PBX1: variants seen among roughly 807,000 people sequenced by gnomAD.
PBX1 encodes the protein pre-B-cell leukemia transcription factor 1.
A neutral mutation model predicts 53.4 loss-of-function variants in PBX1; 6 were observed. That is an observed-to-expected ratio of 0.11 (90% CI 0.06 to 0.22). The LOEUF is 0.22. Among genes scored for constraint, PBX1 ranks in the 10% least tolerant of loss-of-function variants. The probability of loss-of-function intolerance (pLI) is 1.00; values close to 1 mark genes in which losing one functional copy is unlikely to be tolerated. For synonymous variants in PBX1, 204 were observed against 212.3 expected, an observed-to-expected ratio of 0.96 and a Z score of 0.34; for missense variants, 251 against 551.4, an observed-to-expected ratio of 0.46 and a Z score of 5.46.
At chr1:164,877,081 G>C (rs1249385718) in intron 2 of PBX1, among the ~76,000 whole-genome samples, 1 of 151,662 alleles carries the variant, frequency 6.6e-6, no homozygotes. Context: ...ACAACCCTGT[G>C]AAGTAAGTTT....
At chr1:164,626,974 C>A (rs924138314) in intron 2 of PBX1, among the ~76,000 whole-genome samples, 1 of 152,160 alleles carries the variant, frequency 6.6e-6, no homozygotes, top group Admixed American at 6.5e-5. Context: ...TTCAATTTTA[C>A]AATGCTTTCA....
intron 2 of PBX1, among the ~76,000 whole-genome samples, chr1:164,623,172 A>G (rs941973938): frequency 2.0e-5 from 3 of 152,104 alleles, no homozygotes; most frequent in Non-Finnish European, 2.9e-5. Flanking sequence ...TAGCATGTCT[A>G]TAATCTCTGG....
intron 4 of PBX1, among the ~76,000 whole-genome samples, chr1:164,801,450 GA>G (rs1190359009): frequency 0.053 from 5,741 of 109,148 alleles, 316 homozygotes; most frequent in African/African-American, 0.16. Context: ...GGCAGATATT[GA>G]AAAAAAAAAA....
chr1:164,815,935 GC>G (rs1232481681), intron 6 of PBX1: 3 of 152,164 alleles, frequency 2.0e-5, no homozygotes, highest in Non-Finnish European at 4.4e-5. Context: ...AAAACTCAGA[GC>G]CTTCATGCCC....
At chr1:164,635,719 TTTAA>T (rs1237005212) in intron 2 of PBX1, among the ~76,000 whole-genome samples, 1 of 152,220 alleles carries the variant, frequency 6.6e-6, no homozygotes, top group African/African-American at 2.4e-5. Flanking sequence ...GATTTTCTGT[TTTAA>T]TTTACGTCTA....
chr1:164,764,904 T>G (rs1336476858), intron 2 of PBX1, among the ~76,000 whole-genome samples: 1 of 152,228 alleles, frequency 6.6e-6, no homozygotes, highest in African/African-American at 2.4e-5. Flanking sequence ...AAAGATAATA[T>G]TCTTCTAATT....
At chr1:164,877,583 A>C (rs1317572046) in intron 2 of PBX1, among the ~76,000 whole-genome samples, 3 of 152,134 alleles carry the variant, frequency 2.0e-5, no homozygotes, top group African/African-American at 7.2e-5. Flanking sequence ...GAATCACTTG[A>C]ACCCAGTAGA....
chr1:164,758,207 G>C (rs1474571140), intron 2 of PBX1, among the ~76,000 whole-genome samples: 2 of 152,306 alleles, frequency 1.3e-5, no homozygotes, highest in Admixed American at 1.3e-4. Context: ...TCACAGATCT[G>C]TGAGCGGAAC....
At chr1:164,693,950 A>G (rs1043960310) in intron 2 of PBX1, among the ~76,000 whole-genome samples, 1 of 152,152 alleles carries the variant, frequency 6.6e-6, no homozygotes, top group African/African-American at 2.4e-5. Flanking sequence ...ATGTTGTCTA[A>G]AAGTGTCCTC....
chr1:164,857,519 G>T (rs1672005025), intron 2 of PBX1, among the ~76,000 whole-genome samples: 1 of 152,136 alleles, frequency 6.6e-6, no homozygotes, highest in Non-Finnish European at 1.5e-5. Context: ...GGTGACGCAG[G>T]CTATAGCCTC....
At chr1:164,879,902 G>A (rs1346650839) in intron 2 of PBX1, among the ~76,000 whole-genome samples, 6 of 152,114 alleles carry the variant, frequency 3.9e-5, no homozygotes, top group East Asian at 1.9e-4. Context: ...AAAAGCCTAC[G>A]CTGGGGGTGC....
intron 5 of PBX1, among the ~76,000 whole-genome samples, chr1:164,809,768 A>G (rs1669519243): frequency 6.6e-6 from 1 of 152,144 alleles, no homozygotes; most frequent in Non-Finnish European, 1.5e-5. Context: ...CCATACACCC[A>G]AATCCATCTG....
At position 164,738,439 on chromosome 1, in the gene PBX1, C is replaced by T. The variant is rs931486167; in HGVS notation, c.266-54055C>T. On this transcript the variant is annotated intron_variant, in intron 2 of 8. Transcript: ENST00000420696. ...TAGATAGGATTATAGGCATGTGCCA[C>T]TATACCTGGCTGATTTTTATTTTCA... is the stretch of plus-strand genomic sequence containing the variant. 5.9e-5 allele frequency among the ~76,000 whole-genome samples: 9 copies of T among 152,278 alleles called. 2 individuals carry two copies. The highest frequency in any genetic ancestry group is 3.3e-4 in the Admixed American group (5 of 15,286).
chr1:164,563,545 C>CT, intron 2 of PBX1, among the ~76,000 whole-genome samples: 1 of 152,166 alleles, frequency 6.6e-6, no homozygotes. Flanking sequence ...TATTTCCAGC[C>CT]TTTTTGAGAT....
At chr1:164,655,919 T>C (rs1359413292) in intron 2 of PBX1, among the ~76,000 whole-genome samples, 2 of 152,112 alleles carry the variant, frequency 1.3e-5, no homozygotes, top group Admixed American at 6.5e-5. Flanking sequence ...TTGGGATTAG[T>C]AGATATATGG....
intron 2 of PBX1, among the ~76,000 whole-genome samples, chr1:164,678,808 G>T (rs1401645893): frequency 6.6e-6 from 1 of 152,128 alleles, no homozygotes; most frequent in African/African-American, 2.4e-5. Flanking sequence ...TCCTCAGTCG[G>T]CATGGTAGTT....
intron 8 of PBX1, among the ~76,000 whole-genome samples, chr1:164,830,780 T>C (rs1670715481): frequency 6.6e-6 from 1 of 152,178 alleles, no homozygotes; most frequent in East Asian, 1.9e-4. Flanking sequence ...TCTTCCTCCC[T>C]GCCCTGCTAG....
chr1:164,699,386 T>C (rs1344776050), intron 2 of PBX1, among the ~76,000 whole-genome samples: 3 of 152,208 alleles, frequency 2.0e-5, no homozygotes, highest in African/African-American at 7.2e-5. Flanking sequence ...GCTCGTGGGT[T>C]CCAGAGTCTC....
At chr1:164,720,915 G>T (rs1324117691) in intron 2 of PBX1, among the ~76,000 whole-genome samples, 1 of 152,158 alleles carries the variant, frequency 6.6e-6, no homozygotes, top group East Asian at 1.9e-4. Context: ...CCTTCCTGAG[G>T]TATATTTACA....
Sources: allele counts gnomAD v4.1 joint callset (sites outside exome capture counted in the v4.1 genomes callset), GRCh38; gene constraint gnomAD v4.1.1; transcripts MANE v1.5; gene names NCBI Gene and HGNC (gene_info 2026-07-23, HGNC 2026-07-21).